Variants in IGFL4 observed in about 807,000 individuals in gnomAD.
IGFL4 encodes IGF like family member 4.
Under a neutral mutation model 15.4 loss-of-function variants are expected in IGFL4, and 12 were observed. The ratio of observed to expected loss-of-function variants is 0.78; its 90% CI spans 0.50 to 1.26. The LOEUF is 1.26. IGFL4 is among the 50% of genes most tolerant of loss of function. The pLI is 0.00. For missense variants in IGFL4, 126 were observed against 147.8 expected (o/e 0.85, Z 0.76); for synonymous variants, 54 against 55.9 (o/e 0.97, Z 0.16).
At chr19:46,051,278 C>T (rs938252647) in intron 2 of IGFL4, among the ~76,000 whole-genome samples, 2 of 152,216 alleles carry the variant, frequency 1.3e-5, no homozygotes, top group Admixed American at 6.5e-5. Context: ...GGCACAGCGG[C>T]TCACACCTGT....
intron 1 of IGFL4, among the ~76,000 whole-genome samples, chr19:46,076,364 G>T (rs966648591): frequency 3.9e-5 from 6 of 152,162 alleles, no homozygotes; most frequent in Non-Finnish European, 8.8e-5. Flanking sequence ...GAGCTCTTCT[G>T]TTGGCCCTTG....
At chr19:46,061,654 A>G (rs1404699146) in intron 1 of IGFL4, among the ~76,000 whole-genome samples, 2 of 152,200 alleles carry the variant, frequency 1.3e-5, no homozygotes, top group African/African-American at 4.8e-5. Context: ...AAGAAATGCT[A>G]TAGAACAAGA....
chr19:46,050,142 C>A (rs1273019189), intron 2 of IGFL4, among the ~76,000 whole-genome samples: 1 of 152,222 alleles, frequency 6.6e-6, no homozygotes, highest in African/African-American at 2.4e-5. Flanking sequence ...GGAAGCACCC[C>A]TCTGGGACAA....
chr19:46,043,188 A>G (rs1448758777), upstream of IGFL4, among the ~76,000 whole-genome samples: 4 of 152,232 alleles, frequency 2.6e-5, no homozygotes, highest in Non-Finnish European at 5.9e-5. Flanking sequence ...AATGCCATTT[A>G]TAATGCCCCC....
At position 46,040,740 on chromosome 19, in the gene IGFL4, G is replaced by A; in HGVS notation, c.20-172C>T. 1 of 947,390 alleles carries A rather than the reference G, an allele frequency of 1.1e-6. No individual in the cohort carries two copies. The highest frequency in any genetic ancestry group is 2.6e-5 in the East Asian group (1 of 38,186). The allele number at this position is 947,390 out of a possible 1,614,324, so 58.7% of individuals were successfully genotyped here. ...TGGGCTTGGCAGGTGAGGAAAGGCA[G>A]GGAGGGCTCTGGGAAAAGTTAAGCT... On this transcript the variant is annotated intron_variant, in intron 1 of 3. Coordinates refer to ENST00000377697, the MANE Select transcript of IGFL4 (RefSeq NM_001002923.3). This position sits in a 1 kb window ranked among gnomAD's most constrained non-coding sequence, Gnocchi z 4.1.
At chr19:46,076,568 G>A (rs1969598184) in intron 1 of IGFL4, among the ~76,000 whole-genome samples, 1 of 151,244 alleles carries the variant, frequency 6.6e-6, no homozygotes, top group African/African-American at 2.4e-5. Flanking sequence ...AATTTATTCC[G>A]TGGTTCTAGT....
chr19:46,069,146 G>C (rs1451293627), intron 1 of IGFL4, among the ~76,000 whole-genome samples: 2 of 152,200 alleles, frequency 1.3e-5, no homozygotes, highest in Non-Finnish European at 2.9e-5. Flanking sequence ...CCAGACATGA[G>C]AGGGAGTGGA....
upstream of IGFL4, chr19:46,041,118 G>T: frequency 3.1e-6 from 2 of 645,224 alleles, no homozygotes; most frequent in Admixed American, 3.4e-5. Context: ...GAGCTGCAGG[G>T]AACATAAATA....
At chr19:46,045,175 T>C (rs925194406), upstream of IGFL4, among the ~76,000 whole-genome samples, 1 of 152,150 alleles carries the variant, frequency 6.6e-6, no homozygotes, top group Non-Finnish European at 1.5e-5. Flanking sequence ...CCAGGCGCAG[T>C]GGCTCACACC....
intron 2 of IGFL4, among the ~76,000 whole-genome samples, chr19:46,047,407 T>C (rs1370668360): frequency 6.8e-6 from 1 of 147,836 alleles, no homozygotes; most frequent in Non-Finnish European, 1.5e-5. Context: ...AGATAAGTTA[T>C]TGGTTAACAG....
Position 46,074,268 on chromosome 19 carries a change from G to A in IGFL4, c.-432+2752C>T, listed in dbSNP as rs75747606. On this transcript the variant is annotated intron_variant, in intron 1 of 5. Transcript: ENST00000601672. ...AGGGTTGTCTAGAGGGACAGAACGAGCAGGAGATATATATATACATATATA... is the reference window on the plus strand; with the variant it reads ...AGGGTTGTCTAGAGGGACAGAACGAACAGGAGATATATATATACATATATA... Among the ~76,000 whole-genome samples, 7 of 150,642 alleles carry A rather than the reference G, an allele frequency of 4.6e-5. No homozygotes were observed. The East Asian group carries it at 1.4e-3, about 30-fold the overall frequency.
At chr19:46,070,329 A>G (rs1198509021) in intron 1 of IGFL4, among the ~76,000 whole-genome samples, 2 of 151,946 alleles carry the variant, frequency 1.3e-5, no homozygotes, top group Admixed American at 6.6e-5. Flanking sequence ...GGCACTGGAG[A>G]CTCATGTTCG....
intron 1 of IGFL4, among the ~76,000 whole-genome samples, chr19:46,071,439 G>A (rs988757769): frequency 1.2e-4 from 19 of 152,172 alleles, no homozygotes; most frequent in Admixed American, 1.1e-3. Context: ...CAGGGATCTG[G>A]AGAAGTTTCA....
At chr19:46,043,798 C>T (rs1359872540), upstream of IGFL4, among the ~76,000 whole-genome samples, 1 of 151,882 alleles carries the variant, frequency 6.6e-6, no homozygotes, top group Non-Finnish European at 1.5e-5. Context: ...CCAAAATGAT[C>T]TAGATATAAA....
At position 46,051,050 on chromosome 19, in the gene IGFL4, AT is replaced by A. The variant is rs1200011928; in HGVS notation, c.-323+9134del. Among the ~76,000 whole-genome samples, 3 of 152,210 alleles carry A rather than the reference AT, an allele frequency of 2.0e-5. No individual in the cohort carries two copies. The East Asian group carries it at 5.8e-4, about 29-fold the overall frequency. On this transcript the variant is annotated intron_variant, in intron 2 of 5. Coordinates refer to the IGFL4 transcript ENST00000601672. ...TAAACAACGCAATTATCAGCCAAGA[AT>A]TTTTCATTCAGTGAAGCTAAGCCTC... is the stretch of plus-strand genomic sequence containing the variant.
chr19:46,057,301 A>C (rs1486093390), intron 2 of IGFL4, among the ~76,000 whole-genome samples: 1 of 152,068 alleles, frequency 6.6e-6, no homozygotes, highest in African/African-American at 2.4e-5. Context: ...TTTTTAGAGT[A>C]AAAATATTAA....
intron 1 of IGFL4, among the ~76,000 whole-genome samples, chr19:46,070,306 C>T (rs12462084): frequency 1.3e-5 from 2 of 152,076 alleles, no homozygotes; most frequent in Non-Finnish European, 2.9e-5. Flanking sequence ...CAACAGACTT[C>T]GGGCTGGAAC....
At chr19:46,063,981 A>G (rs1969470776) in intron 1 of IGFL4, among the ~76,000 whole-genome samples, 2 of 151,986 alleles carry the variant, frequency 1.3e-5, no homozygotes, top group Non-Finnish European at 2.9e-5. Flanking sequence ...CTGAGACAGG[A>G]GAATCGCTTG....
At chr19:46,053,032 A>G (rs1969361992) in intron 2 of IGFL4, among the ~76,000 whole-genome samples, 1 of 151,910 alleles carries the variant, frequency 6.6e-6, no homozygotes, top group African/African-American at 2.4e-5. Context: ...AAACATGCCA[A>G]CGGAGGCCCA....
Sources: gnomAD v4.1 joint callset for allele counts (sites outside exome capture counted in the v4.1 genomes callset) on GRCh38, gnomAD v4.1.1 for gene constraint, Gnocchi (gnomAD v3.1) non-coding constraint, MANE v1.5 for transcripts, NCBI Gene and HGNC (gene_info 2026-07-23, HGNC 2026-07-21) for gene names.